Variants in TNFRSF13B observed in about 807,000 individuals in gnomAD.
The protein encoded by TNFRSF13B is tumor necrosis factor receptor superfamily member 13B.
A neutral mutation model predicts 24.0 loss-of-function variants in TNFRSF13B; 34 were observed. The observed-to-expected ratio is 1.41, with a 90% CI of 1.08 to 1.88. The LOEUF is 1.88. Ranked by LOEUF, TNFRSF13B falls within the 40% of genes most tolerant of loss-of-function variation. The probability of loss-of-function intolerance (pLI) is 0.00; values close to 1 mark genes in which losing one functional copy is unlikely to be tolerated. For synonymous variants in TNFRSF13B, 173 were observed against 150.3 expected, an observed-to-expected ratio of 1.15 and a Z score of -1.10; for missense variants, 415 against 380.8, an observed-to-expected ratio of 1.09 and a Z score of -0.75.
chr17:16,965,550 C>T (rs572717927), intron 1 of TNFRSF13B, among the ~76,000 whole-genome samples: 3 of 152,294 alleles, frequency 2.0e-5, no homozygotes, highest in South Asian at 2.1e-4. Flanking sequence ...AAAAGCAAGC[C>T]GCATTCTTGC....
At chr17:16,950,287 C>G (rs2087579907) in intron 2 of TNFRSF13B, among the ~76,000 whole-genome samples, 1 of 152,180 alleles carries the variant, frequency 6.6e-6, no homozygotes, top group Admixed American at 6.5e-5. Flanking sequence ...TCAGTTTCCT[C>G]ATTTCCAACA....
intron 2 of TNFRSF13B, among the ~76,000 whole-genome samples, chr17:16,950,085 C>T (rs182430621): frequency 4.0e-5 from 6 of 151,778 alleles, no homozygotes; most frequent in South Asian, 2.1e-4. Context: ...GTCCTGACTT[C>T]GTAAATATGA....
At chr17:16,950,329 G>A (rs1286859720) in intron 2 of TNFRSF13B, among the ~76,000 whole-genome samples, 1 of 152,184 alleles carries the variant, frequency 6.6e-6, no homozygotes, top group East Asian at 1.9e-4. Flanking sequence ...CTTCTTCGTA[G>A]GGTTGTTGGC....
Position 16,971,537 on chromosome 17 carries a change from C to T in TNFRSF13B, c.61+478G>A, listed in dbSNP as rs138351658. On this transcript the variant is annotated intron_variant, in intron 1 of 4. Transcript: ENST00000261652. ...AAAGACATTGGTGAGACAGTTGGTA[C>T]AGTTTGAACCCTGGCGGGCTATGTG... 8.9e-4 allele frequency among the ~76,000 whole-genome samples: 136 copies of T among 152,256 alleles called. No homozygotes were observed. In the East Asian group the frequency reaches 0.025, roughly 28 times the overall value.
At chr17:16,956,735 A>C (rs1456593813) in intron 1 of TNFRSF13B, among the ~76,000 whole-genome samples, 1 of 152,262 alleles carries the variant, frequency 6.6e-6, no homozygotes, top group Non-Finnish European at 1.5e-5. Context: ...CCTCAAATGC[A>C]TATTACTAAG....
intron 3 of TNFRSF13B, among the ~76,000 whole-genome samples, chr17:16,946,576 T>A (rs954634755): frequency 7.4e-6 from 1 of 135,246 alleles, no homozygotes; most frequent in Non-Finnish European, 1.6e-5. Flanking sequence ...TTATTTTTAT[T>A]TTTATTTATT....
At position 16,948,726 on chromosome 17, in the gene TNFRSF13B, TG is replaced by T; in HGVS notation, c.445+11del. On this transcript the variant is annotated intron_variant, in intron 3 of 4. Coordinates refer to ENST00000261652, the MANE Select transcript of TNFRSF13B (RefSeq NM_012452.3). The stretch of plus-strand genomic sequence containing the variant: ...TGCGTGACACCATGCAGGTTTGCCT[TG>T]GGTGGCTTACCTGGACTTGCTTCTG... The T allele has an allele frequency of 6.2e-7, 1 of 1,613,646 alleles. No individual in the cohort carries two copies. The highest frequency in any genetic ancestry group is 8.5e-7 in the Non-Finnish European group (1 of 1,180,036).
intron 3 of TNFRSF13B, among the ~76,000 whole-genome samples, chr17:16,948,361 A>T (rs1024799521): frequency 1.3e-5 from 2 of 152,224 alleles, no homozygotes; most frequent in African/African-American, 4.8e-5. Flanking sequence ...AATTATAAAT[A>T]AAATAATAAT....
chr17:16,965,626 C>T (rs2087693722), intron 1 of TNFRSF13B, among the ~76,000 whole-genome samples: 1 of 152,174 alleles, frequency 6.6e-6, no homozygotes, highest in African/African-American at 2.4e-5. Context: ...TCCCTGCCTG[C>T]ATCTCCTCCA....
intron 3 of TNFRSF13B, among the ~76,000 whole-genome samples, chr17:16,945,297 A>G (rs1255307450): frequency 6.7e-6 from 1 of 150,124 alleles, no homozygotes; most frequent in Admixed American, 6.6e-5. Context: ...GCCCTCTGGC[A>G]AGGGGGCTTG....
chr17:16,963,332 A>G (rs1469568713), intron 1 of TNFRSF13B, among the ~76,000 whole-genome samples: 1 of 152,152 alleles, frequency 6.6e-6, no homozygotes, highest in Admixed American at 6.5e-5. Context: ...TTAGGGGCCA[A>G]TTCCTGTTGG....
intron 1 of TNFRSF13B, among the ~76,000 whole-genome samples, chr17:16,964,807 C>T (rs549752587): frequency 4.6e-5 from 7 of 152,248 alleles, no homozygotes; most frequent in Admixed American, 4.6e-4. Flanking sequence ...GGTTCAGTGA[C>T]CCAGAGTGTG....
At chr17:16,962,980 C>T (rs934734906) in intron 1 of TNFRSF13B, among the ~76,000 whole-genome samples, 12 of 152,154 alleles carry the variant, frequency 7.9e-5, no homozygotes, top group Non-Finnish European at 1.6e-4. Flanking sequence ...GGGGAGTGGA[C>T]CAGATTCTGA....
chr17:16,940,531 C>T lies in TNFRSF13B; in HGVS notation c.446-20G>A, dbSNP rs759191629. On this transcript the variant is annotated intron_variant, in intron 3 of 4. Transcript: ENST00000261652. ...GGAGAGCTGCAAGACAGCATGAGACCCCTCTCTGCAGTGCCTTCTTCTCTT... is the reference window on the plus strand; with the variant it reads ...GGAGAGCTGCAAGACAGCATGAGACTCCTCTCTGCAGTGCCTTCTTCTCTT... 20 of 1,610,808 alleles carry T rather than the reference C, an allele frequency of 1.2e-5. No homozygotes were observed. Among genetic ancestry groups the T allele is most frequent in the Admixed American group, 3.3e-5 (2 of 59,744 alleles).
intron 3 of TNFRSF13B, chr17:16,940,775 G>T: frequency 7.2e-7 from 1 of 1,395,134 alleles, no homozygotes; most frequent in Non-Finnish European, 9.3e-7. Flanking sequence ...ACTTGCTAGG[G>T]CTGTAATTGG....
Position 16,939,431 on chromosome 17 carries a change from C to T in TNFRSF13B, c.*116G>A. Reference sequence around the variant, plus strand: ...CCTCTCTGTCTCCTCTGTTTCTCTCCCTCTCTGCCTCCTCTGTCTCTCTCT... The same window carrying T: ...CCTCTCTGTCTCCTCTGTTTCTCTCTCTCTCTGCCTCCTCTGTCTCTCTCT... On this transcript the variant is annotated 3_prime_UTR_variant, in exon 5 of 5. Coordinates refer to ENST00000261652, the MANE Select transcript of TNFRSF13B (RefSeq NM_012452.3). The T allele has an allele frequency of 7.9e-7, 1 of 1,266,764 alleles. No homozygotes were observed. The highest frequency in any genetic ancestry group is 2.3e-5 in the Admixed American group (1 of 43,080). 78.5% of individuals were successfully genotyped at this position (1,266,764 alleles called of 1,614,324 possible). A position where few individuals can be genotyped will look rare whatever the true frequency, so the allele number is the denominator to read the frequency against.
chr17:16,966,455 C>T (rs1488795897), intron 1 of TNFRSF13B, among the ~76,000 whole-genome samples: 2 of 152,144 alleles, frequency 1.3e-5, no homozygotes, highest in Non-Finnish European at 2.9e-5. Flanking sequence ...AGACAGTTCA[C>T]AGTCAGGGAA....
intron 1 of TNFRSF13B, among the ~76,000 whole-genome samples, chr17:16,970,459 CG>C (rs11357283): frequency 0.096 from 14,620 of 152,090 alleles, 1,724 homozygotes; most frequent in African/African-American, 0.28. Context: ...GCTCTGTGGT[CG>C]GATTAGTTTG....
chr17:16,947,525 A>G (rs2087557579), intron 3 of TNFRSF13B, among the ~76,000 whole-genome samples: 1 of 152,226 alleles, frequency 6.6e-6, no homozygotes, highest in Admixed American at 6.5e-5. Context: ...TAACCCCACT[A>G]AAAAGTAGGC....
Sources: gnomAD v4.1 joint callset for allele counts (sites outside exome capture counted in the v4.1 genomes callset) on GRCh38, gnomAD v4.1.1 for gene constraint, MANE v1.5 for transcripts, NCBI Gene and HGNC (gene_info 2026-07-23, HGNC 2026-07-21) for gene names.